TLL1: variants seen among roughly 807,000 people sequenced by gnomAD.
TLL1 encodes tolloid like 1, also known as tolloid-like protein 1.
TLL1 carries 49 observed loss-of-function variants against 128.2 expected under a neutral mutation model. That is an observed-to-expected ratio of 0.38 (90% CI 0.30 to 0.48). TLL1 has a LOEUF of 0.48. TLL1 is among the 20% of genes least tolerant of loss of function. The pLI, the probability that TLL1 is intolerant of heterozygous loss-of-function variation, is 0.96. For missense variants in TLL1, 1,123 were observed against 1,242.0 expected (o/e 0.90, Z 1.44); for synonymous variants, 454 against 418.8 (o/e 1.08, Z -1.03).
intron 9 of TLL1, among the ~76,000 whole-genome samples, chr4:166,038,543 G>A (rs1056820902): frequency 1.3e-5 from 2 of 151,736 alleles, no homozygotes; most frequent in Non-Finnish European, 1.5e-5. Flanking sequence ...TACTTCTCGC[G>A]TAAGTTTGGC....
intron 1 of TLL1, among the ~76,000 whole-genome samples, chr4:165,965,279 C>T (rs1735313125): frequency 6.6e-6 from 1 of 152,038 alleles, no homozygotes; most frequent in African/African-American, 2.4e-5. Context: ...TTTAAAAACC[C>T]TACATACAAA....
At chr4:166,067,157 A>G (rs1378251979) in intron 16 of TLL1, among the ~76,000 whole-genome samples, 11 of 151,842 alleles carry the variant, frequency 7.2e-5, no homozygotes, top group Admixed American at 6.6e-4. Context: ...CATGTAACAA[A>G]CCTGCACACA....
Position 166,057,302 on chromosome 4 carries a change from C to G in TLL1, c.1839C>G (p.Ser613Arg). 1 of 1,613,780 alleles carries G rather than the reference C, an allele frequency of 6.2e-7. No individual in the cohort carries two copies. Among genetic ancestry groups the G allele is most frequent in the South Asian group, 1.1e-5 (1 of 91,076 alleles). Reference protein sequence around the residue: ...PGYELGPDRRSCEAACGGLLT... With the variant: ...PGYELGPDRRRCEAACGGLLT... ...ATGAGCTGGGCCCAGACAGAAGGAG[C>G]TGTGAAGGTATGACTGCACTCCTTC... Residue 613 changes from serine to arginine, a missense_variant, in exon 14 of 21, where the codon AGC becomes AGG. Around this residue, in one of 3 missense-constraint regions of TLL1, gnomAD observed 634 missense variants for 672.4 expected, o/e 0.94. Transcript: ENST00000061240.
intron 1 of TLL1, among the ~76,000 whole-genome samples, chr4:165,968,526 G>T (rs551215490): frequency 3.9e-5 from 6 of 151,982 alleles, no homozygotes; most frequent in African/African-American, 7.2e-5. Flanking sequence ...TCTGTTTAAG[G>T]TTCAATCCTT....
In TLL1 at chr4:166,060,153, G is replaced by A; in HGVS notation, c.1972G>A (p.Val658Met). The A allele has an allele frequency of 1.9e-6, 3 of 1,613,482 alleles. No individual in the cohort carries two copies. The South Asian group carries it at 3.3e-5, about 18-fold the overall frequency. ...VVAPTQYRIS[V>M]KFEFFELEGN... Reference sequence around the variant, plus strand: ...TGCACCAACCCAGTACAGAATTTCTGTGAAGTTTGAGTTTTTTGAATTGGA... The same window carrying A: ...TGCACCAACCCAGTACAGAATTTCTATGAAGTTTGAGTTTTTTGAATTGGA... The change falls in exon 15 of 21, where the codon GTG (valine) becomes ATG (methionine). Residue 658 changes from valine (V) to methionine (M), a missense_variant. Transcript: ENST00000061240.
chr4:166,025,873 GA>G (rs1435114578), intron 9 of TLL1, among the ~76,000 whole-genome samples: 1 of 151,944 alleles, frequency 6.6e-6, no homozygotes, highest in African/African-American at 2.4e-5. Flanking sequence ...TTAGTTGAAA[GA>G]AAATTCACAG....
chr4:165,923,433 T>TTTTTTTTG (rs1733131535), intron 1 of TLL1, among the ~76,000 whole-genome samples: 1 of 117,702 alleles, frequency 8.5e-6, no homozygotes, highest in African/African-American at 3.1e-5. Flanking sequence ...TTTTTTTTTT[T>TTTTTTTTG]TTTTTTTTTT....
intron 5 of TLL1, among the ~76,000 whole-genome samples, chr4:165,996,975 G>T (rs916585052): frequency 6.6e-6 from 1 of 151,630 alleles, no homozygotes; most frequent in African/African-American, 2.4e-5. Context: ...CTGAATTTTG[G>T]TAATTTATCT....
chr4:166,082,910 C>G (rs572735691), intron 18 of TLL1, among the ~76,000 whole-genome samples: 1 of 152,208 alleles, frequency 6.6e-6, no homozygotes, highest in South Asian at 2.1e-4. Flanking sequence ...CTCCTGACCT[C>G]AGGTGATCTG....
intron 5 of TLL1, among the ~76,000 whole-genome samples, chr4:165,997,325 T>TA (rs935524805): frequency 5.9e-5 from 9 of 152,158 alleles, no homozygotes; most frequent in South Asian, 2.1e-4. Context: ...TTTCATCTCA[T>TA]AAAAAAAGAC....
chr4:165,984,703 A>G (rs1475684153), intron 1 of TLL1, among the ~76,000 whole-genome samples: 1 of 151,980 alleles, frequency 6.6e-6, no homozygotes, highest in Non-Finnish European at 1.5e-5. Context: ...CAAGATAATG[A>G]ATCTTCTAGC....
chr4:166,076,346 C>T (rs977755674), intron 17 of TLL1, among the ~76,000 whole-genome samples: 3 of 151,874 alleles, frequency 2.0e-5, no homozygotes, highest in Admixed American at 6.6e-5. Context: ...GTGCTGGGAT[C>T]GCAGGCATGA....
chr4:166,092,271 T>C (rs1741810431), intron 19 of TLL1, among the ~76,000 whole-genome samples: 1 of 152,144 alleles, frequency 6.6e-6, no homozygotes, highest in South Asian at 2.1e-4. Context: ...TAATTTTAAC[T>C]ATTCCATTAT....
chr4:165,877,360 A>G (rs1031257490), intron 1 of TLL1, among the ~76,000 whole-genome samples: 1 of 152,242 alleles, frequency 6.6e-6, no homozygotes, highest in Non-Finnish European at 1.5e-5. Context: ...ATATAAGTAG[A>G]TATACACAAA....
intron 1 of TLL1, among the ~76,000 whole-genome samples, chr4:165,937,246 A>C (rs554364269): frequency 6.6e-6 from 1 of 152,314 alleles, no homozygotes; most frequent in South Asian, 2.1e-4. Context: ...TTAACAATAA[A>C]AAAACCTGAT....
chr4:166,097,115 TC>T (rs1381604568), intron 19 of TLL1, among the ~76,000 whole-genome samples: 1 of 152,070 alleles, frequency 6.6e-6, no homozygotes, highest in Non-Finnish European at 1.5e-5. Flanking sequence ...TATGGATGAT[TC>T]CCTTTTTAGA....
chr4:166,067,919 T>C (rs1479203450), intron 16 of TLL1, among the ~76,000 whole-genome samples: 1 of 151,806 alleles, frequency 6.6e-6, no homozygotes, highest in Non-Finnish European at 1.5e-5. Flanking sequence ...CAAAGACCAT[T>C]CTCTTAACCG....
At chr4:165,978,159 A>G (rs1331497886) in intron 1 of TLL1, among the ~76,000 whole-genome samples, 1 of 152,108 alleles carries the variant, frequency 6.6e-6, no homozygotes, top group Non-Finnish European at 1.5e-5. Flanking sequence ...TTTTACTCAG[A>G]TTCTGCCTCA....
chr4:166,011,646 C>T (rs1006858128), intron 7 of TLL1, among the ~76,000 whole-genome samples: 27 of 151,200 alleles, frequency 1.8e-4, no homozygotes, highest in African/African-American at 5.6e-4. Context: ...TTCTCGTTGT[C>T]CTGGCTGGGG....
Sources: allele counts gnomAD v4.1 joint callset (sites outside exome capture counted in the v4.1 genomes callset), GRCh38; gene constraint gnomAD v4.1.1; regional missense constraint gnomAD v4.1.1; transcripts MANE v1.5; gene names NCBI Gene and HGNC (gene_info 2026-07-23, HGNC 2026-07-21).